CNOT1: variants seen among roughly 807,000 people sequenced by gnomAD.
CNOT1 encodes CCR4-NOT transcription complex subunit 1.
CNOT1 carries 15 observed loss-of-function variants against 273.8 expected under a neutral mutation model. The observed-to-expected ratio is 0.05, with a 90% CI of 0.04 to 0.08. The LOEUF (loss-of-function observed/expected upper bound fraction) is 0.08, where lower values mean the gene tolerates loss of function less well. Ranked by LOEUF, CNOT1 falls within the 10% of genes least tolerant of loss-of-function variation. The pLI is 1.00. For missense variants in CNOT1, 1,644 were observed against 2,912.2 expected (o/e 0.56, Z 10.02); for synonymous variants, 1,022 against 1,005.5 (o/e 1.02, Z -0.31).
At chr16:58,603,408 AGTGTGTGTGT>A (rs200088613) in intron 1 of CNOT1, among the ~76,000 whole-genome samples, 6,227 of 96,516 alleles carry the variant, frequency 0.065, 219 homozygotes, top group African/African-American at 0.13. Context: ...ACAATTTAAA[AGTGTGTGTGT>A]GTGTGTGTGT....
intron 1 of CNOT1, among the ~76,000 whole-genome samples, chr16:58,604,739 G>A (rs1397928646): frequency 6.7e-6 from 1 of 149,734 alleles, no homozygotes; most frequent in Non-Finnish European, 1.5e-5. Context: ...AGAGGTTGCG[G>A]TGGGCCAAGA....
At chr16:58,619,620 T>C (rs2043232030) in intron 1 of CNOT1, among the ~76,000 whole-genome samples, 1 of 152,058 alleles carries the variant, frequency 6.6e-6, no homozygotes, top group Non-Finnish European at 1.5e-5. Flanking sequence ...GAGACGGGGT[T>C]TCACCATATT....
At chr16:58,613,099 T>C (rs1212386279) in intron 1 of CNOT1, among the ~76,000 whole-genome samples, 1 of 152,166 alleles carries the variant, frequency 6.6e-6, no homozygotes, top group East Asian at 1.9e-4. Flanking sequence ...TGGCATGACC[T>C]TGGCTCACTG....
chr16:58,550,416 A>C (rs2040411634), intron 24 of CNOT1, among the ~76,000 whole-genome samples: 1 of 152,178 alleles, frequency 6.6e-6, no homozygotes, highest in Non-Finnish European at 1.5e-5. Flanking sequence ...TCTCCTCCTC[A>C]GCCTATTAAA....
chr16:58,593,702 A>T (rs1040854073), intron 2 of CNOT1, among the ~76,000 whole-genome samples: 5 of 152,054 alleles, frequency 3.3e-5, no homozygotes, highest in African/African-American at 1.2e-4. Context: ...ATTCCAACCT[A>T]GGCAACAGAG....
At chr16:58,598,123 G>C (rs1030031346) in intron 2 of CNOT1, among the ~76,000 whole-genome samples, 2 of 151,582 alleles carry the variant, frequency 1.3e-5, no homozygotes, top group African/African-American at 4.9e-5. Context: ...AATTTGCCGG[G>C]CGCAGTGGCT....
intron 21 of CNOT1, 125 bp from the exon 22 acceptor site, chr16:58,553,985 G>A: frequency 2.3e-6 from 3 of 1,294,378 alleles, no homozygotes; most frequent in Non-Finnish European, 3.0e-6. Context: ...CTTATTTGAA[G>A]AAAATGTCAA....
intron 13 of CNOT1, among the ~76,000 whole-genome samples, chr16:58,578,201 C>A (rs1260899179): frequency 1.3e-5 from 2 of 152,004 alleles, no homozygotes; most frequent in Non-Finnish European, 2.9e-5. Flanking sequence ...CACCTGTAAT[C>A]CCAGAACTTT....
chr16:58,578,960 A>G (rs774065585), intron 12 of CNOT1, 21 bp from the exon 13 acceptor site: 3 of 1,608,530 alleles, frequency 1.9e-6, no homozygotes, highest in Non-Finnish European at 2.6e-6. Context: ...AGGAAGAAAC[A>G]TGCTTTATCA....
At chr16:58,579,675 T>C (rs1033862990) in intron 12 of CNOT1, among the ~76,000 whole-genome samples, 3 of 151,972 alleles carry the variant, frequency 2.0e-5, no homozygotes, top group Non-Finnish European at 4.4e-5. Context: ...TAGAAAAAAA[T>C]TGAAGATACA....
intron 48 of CNOT1, 58 bp from the exon 49 acceptor site, chr16:58,521,094 G>C (rs2039352536): frequency 3.7e-6 from 6 of 1,613,058 alleles, no homozygotes; most frequent in Non-Finnish European, 5.1e-6. Context: ...ACAATACCTT[G>C]CATCTCATTC....
chr16:58,551,377 G>C (rs369431944), intron 23 of CNOT1, 105 bp from the exon 24 acceptor site: 10 of 1,280,104 alleles, frequency 7.8e-6, no homozygotes, highest in East Asian at 7.0e-5. Flanking sequence ...CACATGGTAT[G>C]ACTGTGTATT....
At chr16:58,609,453 T>G (rs1017673219) in intron 1 of CNOT1, among the ~76,000 whole-genome samples, 1 of 151,762 alleles carries the variant, frequency 6.6e-6, no homozygotes, top group Non-Finnish European at 1.5e-5. Flanking sequence ...CCCAATAACC[T>G]ATAGAAATAA....
intron 2 of CNOT1, among the ~76,000 whole-genome samples, chr16:58,593,429 CAT>C (rs1448784167): frequency 2.0e-5 from 3 of 152,138 alleles, no homozygotes; most frequent in Admixed American, 2.0e-4. Context: ...CATAGTGGCA[CAT>C]GCCTGTAATC....
chr16:58,593,732 G>A (rs12446307), intron 2 of CNOT1, among the ~76,000 whole-genome samples: 114,388 of 152,030 alleles, frequency 0.75, 43,449 homozygotes, highest in Middle Eastern at 0.86. Context: ...GTCTCAAAAA[G>A]TAAGTGAGGA....
intron 30 of CNOT1, among the ~76,000 whole-genome samples, chr16:58,544,858 T>A (rs2040206736): frequency 6.6e-6 from 1 of 152,194 alleles, no homozygotes; most frequent in South Asian, 2.1e-4. Flanking sequence ...TCATCTTACA[T>A]GACCATATTG....
chr16:58,559,786 G>T (rs1340627187), intron 17 of CNOT1: 2 of 512,318 alleles, frequency 3.9e-6, no homozygotes, highest in Non-Finnish European at 7.9e-6. Context: ...TTGATGTCAG[G>T]GAGTAACTTA....
At chr16:58,525,534 G>GT (rs1305854434) in intron 45 of CNOT1, among the ~76,000 whole-genome samples, 175 bp from the exon 46 acceptor site, 1 of 150,762 alleles carries the variant, frequency 6.6e-6, no homozygotes, top group Non-Finnish European at 1.5e-5. Flanking sequence ...AAAGGTGGTT[G>GT]TATCAATAAG....
intron 1 of CNOT1, among the ~76,000 whole-genome samples, chr16:58,625,269 T>G (rs1489318270): frequency 6.6e-6 from 1 of 151,816 alleles, no homozygotes; most frequent in African/African-American, 2.4e-5. Context: ...TCACAGCACT[T>G]TGGGAGGCCG....
Sources: allele counts gnomAD v4.1 joint callset (sites outside exome capture counted in the v4.1 genomes callset), GRCh38; gene constraint gnomAD v4.1.1; transcripts MANE v1.5; gene names NCBI Gene and HGNC (gene_info 2026-07-23, HGNC 2026-07-21).